The following SAMD12 variants were observed in gnomAD, a reference collection of about 807,000 sequenced individuals.
SAMD12 encodes the protein sterile alpha motif domain containing 12, also known as sterile alpha motif domain-containing protein 12.
Under a neutral mutation model 15.0 loss-of-function variants are expected in SAMD12, and 9 were observed. The observed-to-expected ratio is 0.60, with a 90% CI of 0.36 to 1.05. SAMD12 has a LOEUF of 1.05. SAMD12 is among the 50% of genes least tolerant of loss of function. The probability of loss-of-function intolerance (pLI) is 0.01; values close to 1 mark genes in which losing one functional copy is unlikely to be tolerated. For missense variants in SAMD12, 230 were observed against 234.2 expected, an observed-to-expected ratio of 0.98 and a Z score of 0.12; for synonymous variants, 86 against 90.1, an observed-to-expected ratio of 0.96 and a Z score of 0.25.
chr8:118,138,223 G>A, the SAMD12 span, among the ~76,000 whole-genome samples: 3 of 152,226 alleles, frequency 2.0e-5, no homozygotes, highest in Admixed American at 1.3e-4. Context: ...CTCGAAGCGG[G>A]CTGAATATCC....
chr8:118,573,842 C>A (rs1361697951), intron 2 of SAMD12, among the ~76,000 whole-genome samples: 2 of 152,174 alleles, frequency 1.3e-5, no homozygotes. Context: ...CTGACTTATT[C>A]ATTCATCAAA....
chr8:118,526,082 G>A (rs1825529733), intron 2 of SAMD12, among the ~76,000 whole-genome samples: 1 of 152,168 alleles, frequency 6.6e-6, no homozygotes. Context: ...AAATTTGAGT[G>A]TGTGAAGATT....
At chr8:118,553,325 G>A (rs1406963617) in intron 2 of SAMD12, among the ~76,000 whole-genome samples, 1,952 of 151,890 alleles carry the variant, frequency 0.013, 46 homozygotes, top group African/African-American at 0.044. Context: ...TACTGGTACC[G>A]AAACAGAGAT....
At chr8:118,196,560 G>C (rs796913999) in exon 5 of SAMD12, 6 of 152,194 alleles carry the variant, frequency 3.9e-5, no homozygotes, top group African/African-American at 1.2e-4. Flanking sequence ...GGGACTAGTA[G>C]GTTCTACCCT....
chr8:118,173,631 A>C, the SAMD12 span, among the ~76,000 whole-genome samples: 4 of 127,630 alleles, frequency 3.1e-5, no homozygotes, highest in African/African-American at 1.1e-4. Context: ...ACATATCCAT[A>C]ACTTTTTTTT....
At chr8:118,190,161 AAG>A (rs1249721552) in exon 5 of SAMD12, 1 of 152,136 alleles carries the variant, frequency 6.6e-6, no homozygotes, top group Non-Finnish European at 1.5e-5. Context: ...AGTGTCTGTG[AAG>A]GAATGAATCA....
At chr8:118,414,558 C>T (rs2130823336) in intron 3 of SAMD12, among the ~76,000 whole-genome samples, 1 of 152,182 alleles carries the variant, frequency 6.6e-6, no homozygotes, top group South Asian at 2.1e-4. Context: ...GTCCTTATAT[C>T]CAGAAATTTA....
intron 2 of SAMD12, among the ~76,000 whole-genome samples, chr8:118,459,313 G>A (rs559930984): frequency 1.3e-5 from 2 of 152,190 alleles, no homozygotes; most frequent in South Asian, 2.1e-4. Context: ...TGATCTGCCC[G>A]CCTCAGCCTC....
intron 4 of SAMD12, among the ~76,000 whole-genome samples, chr8:118,332,970 C>T (rs760569830): frequency 1.4e-4 from 22 of 152,168 alleles, no homozygotes; most frequent in African/African-American, 5.3e-4. Context: ...AATTTGTCTT[C>T]CCGAGGAAAT....
the SAMD12 span, among the ~76,000 whole-genome samples, chr8:118,177,353 G>C: frequency 6.6e-6 from 1 of 151,210 alleles, no homozygotes; most frequent in African/African-American, 2.4e-5. Flanking sequence ...CCATCATCCT[G>C]TTTCAGCCTT....
intron 4 of SAMD12, among the ~76,000 whole-genome samples, chr8:118,371,538 G>C (rs1819096623): frequency 6.6e-6 from 1 of 152,080 alleles, no homozygotes; most frequent in African/African-American, 2.4e-5. Flanking sequence ...AGGTGACTCT[G>C]AGCCTTCCAT....
chr8:118,476,641 A>G (rs780172688), intron 2 of SAMD12, among the ~76,000 whole-genome samples: 7 of 152,212 alleles, frequency 4.6e-5, no homozygotes, highest in Non-Finnish European at 7.3e-5. Context: ...ACAGTGATAG[A>G]GGAGACTAAA....
intron 4 of SAMD12, among the ~76,000 whole-genome samples, chr8:118,227,321 C>T (rs1476538349): frequency 6.6e-6 from 1 of 151,982 alleles, no homozygotes; most frequent in African/African-American, 2.4e-5. Context: ...ATGATGAGAA[C>T]TCGTGGACAT....
At chr8:118,310,551 G>A (rs747704872) in intron 4 of SAMD12, among the ~76,000 whole-genome samples, 1 of 152,208 alleles carries the variant, frequency 6.6e-6, no homozygotes, top group East Asian at 1.9e-4. Flanking sequence ...TGGGTATCCA[G>A]AGGCAGTTGC....
intron 2 of SAMD12, among the ~76,000 whole-genome samples, chr8:118,444,002 C>A (rs573880104): frequency 2.0e-5 from 3 of 152,156 alleles, no homozygotes; most frequent in Non-Finnish European, 2.9e-5. Context: ...TGCCTTCGAC[C>A]GCCTCGTCTC....
the SAMD12 span, among the ~76,000 whole-genome samples, chr8:118,134,869 C>T: frequency 6.6e-6 from 1 of 152,200 alleles, no homozygotes; most frequent in East Asian, 1.9e-4. Context: ...CTCTCTTGCT[C>T]ATTATTGTCT....
chr8:118,608,733 A>T (rs112890294), intron 1 of SAMD12, among the ~76,000 whole-genome samples: 8,411 of 152,124 alleles, frequency 0.055, 462 homozygotes, highest in African/African-American at 0.14. Flanking sequence ...CACACTCCAG[A>T]CCTCAGGTAA....
At chr8:118,191,714 C>A (rs902085466) in exon 5 of SAMD12, 2 of 132,864 alleles carry the variant, frequency 1.5e-5, no homozygotes, top group African/African-American at 2.8e-5. Context: ...AACATTAACA[C>A]GCTAAATGCA....
At chr8:118,452,497 T>G (rs1823113722) in intron 2 of SAMD12, among the ~76,000 whole-genome samples, 1 of 152,246 alleles carries the variant, frequency 6.6e-6, no homozygotes, top group Non-Finnish European at 1.5e-5. Flanking sequence ...GCTGAGAATT[T>G]GCCTCATTAG....
Sources: allele counts gnomAD v4.1 joint callset (sites outside exome capture counted in the v4.1 genomes callset), GRCh38; gene constraint gnomAD v4.1.1; transcripts MANE v1.5; gene names NCBI Gene and HGNC (gene_info 2026-07-23, HGNC 2026-07-21).